Variants in PYM1 observed in about 807,000 individuals in gnomAD.
The protein encoded by PYM1 is PYM1 exon junction complex associated factor, also known as partner of Y14 and mago.
Under a neutral mutation model 20.7 loss-of-function variants are expected in PYM1, and 7 were observed. That is an observed-to-expected ratio of 0.34 (90% CI 0.19 to 0.64). The LOEUF is 0.64. PYM1 is among the 30% of genes least tolerant of loss of function. The probability of loss-of-function intolerance (pLI) is 0.74; values close to 1 mark genes in which losing one functional copy is unlikely to be tolerated. For missense variants in PYM1, 194 were observed against 250.0 expected (o/e 0.78, Z 1.51); for synonymous variants, 100 against 99.2 (o/e 1.01, Z -0.05).
At chr12:55,926,926 C>T in intron 1 of PYM1, 1 of 823,942 alleles carries the variant, frequency 1.2e-6, no homozygotes, top group Non-Finnish European at 1.9e-6. Flanking sequence ...GCGCAGGAGA[C>T]ACCCCGTAGG....
At position 55,902,242 on chromosome 12, in the gene PYM1, C is replaced by A; in HGVS notation, c.245G>T (p.Gly82Val). 2.5e-6 allele frequency: 4 copies of A among 1,614,160 alleles called. No homozygotes were observed. The highest frequency in any genetic ancestry group is 2.5e-6 in the Non-Finnish European group (3 of 1,180,034). Residue 82 changes from glycine to valine, a missense_variant, in exon 3 of 3, where the codon GGC becomes GTC. This residue lies in a region of PYM1 where 158 missense variants were observed against 179.0 expected (regional missense o/e 0.88). Coordinates refer to ENST00000408946, the MANE Select transcript of PYM1 (RefSeq NM_032345.3). ...TPSRPEGGEP[G>V]LSKTAKRNLK... Reference sequence around the variant, plus strand: ...GTTACGTTTGGCTGTCTTGGAGAGGCCTGGTTCACCACCTTCAGGCCTGGA... The same window carrying A: ...GTTACGTTTGGCTGTCTTGGAGAGGACTGGTTCACCACCTTCAGGCCTGGA...
intron 1 of PYM1, among the ~76,000 whole-genome samples, chr12:55,922,607 G>A (rs747059007): frequency 9.2e-5 from 14 of 151,772 alleles, no homozygotes; most frequent in Non-Finnish European, 2.1e-4. Context: ...ACAGAGGGAA[G>A]ACCCTGTCTC....
intron 1 of PYM1, among the ~76,000 whole-genome samples, chr12:55,925,719 CT>C (rs1883176244): frequency 6.6e-6 from 1 of 152,162 alleles, no homozygotes. Flanking sequence ...CAGTTTATTC[CT>C]TTTTCTCTTC....
Position 55,902,212 on chromosome 12 carries a change from T to C in PYM1, c.275A>G (p.Lys92Arg), listed in dbSNP as rs754792198. Residue 92 changes from lysine (K) to arginine (R), a missense_variant, in exon 3 of 3, where the codon AAG becomes AGG. Coordinates refer to ENST00000408946, the MANE Select transcript of PYM1 (RefSeq NM_032345.3). ...GLSKTAKRNL[K>R]RKEKRRQQQE... ...CTGCTGCCGCCTCTTCTCCTTTCGC[T>C]TCAGGTTACGTTTGGCTGTCTTGGA... The C allele has an allele frequency of 2.9e-5, 47 of 1,614,128 alleles. No individual in the cohort carries two copies. Among genetic ancestry groups the C allele is most frequent in the Non-Finnish European group, 3.9e-5 (46 of 1,180,028 alleles).
At chr12:55,914,815 T>A (rs1329243114) in intron 1 of PYM1, among the ~76,000 whole-genome samples, 1 of 152,082 alleles carries the variant, frequency 6.6e-6, no homozygotes, top group Non-Finnish European at 1.5e-5. Flanking sequence ...ATGATCATAA[T>A]CATTTCCCTC....
intron 1 of PYM1, among the ~76,000 whole-genome samples, chr12:55,916,106 G>A (rs554512084): frequency 6.6e-6 from 1 of 152,232 alleles, no homozygotes; most frequent in South Asian, 2.1e-4. Context: ...AGGCCAAGGC[G>A]GGCGGATCAC....
At position 55,901,881 on chromosome 12, in the gene PYM1, T is replaced by C. The variant is rs374614469; in HGVS notation, c.606A>G (p.Leu202=). 5 of 1,607,344 alleles carry C rather than the reference T, an allele frequency of 3.1e-6. No homozygotes were observed. In the Admixed American group the frequency reaches 5.1e-5, roughly 17 times the overall value. The change falls in exon 3 of 3, where the codon TTA becomes TTG. Residue 202 remains leucine (L), a synonymous_variant. Coordinates refer to ENST00000408946, the MANE Select transcript of PYM1 (RefSeq NM_032345.3). ...ALEEELEDLE[L]GL ...CTATTCCCCAAAGGCCTCAGAGGCC[T>C]AACTCCAAGTCCTCTAACTCCTCTT...
At chr12:55,904,805 A>T (rs373062244) in intron 1 of PYM1, among the ~76,000 whole-genome samples, 58 of 151,566 alleles carry the variant, frequency 3.8e-4, no homozygotes, top group African/African-American at 1.3e-3. Context: ...TGAACCTGGG[A>T]GGCAGAGGTT....
chr12:55,911,965 A>G (rs946780884), intron 1 of PYM1, among the ~76,000 whole-genome samples: 16 of 152,148 alleles, frequency 1.1e-4, no homozygotes, highest in African/African-American at 3.9e-4. Context: ...CAAGATAAAA[A>G]AAGTCAGAGC....
At position 55,901,792 on chromosome 12, in the gene PYM1, A is replaced by C; in HGVS notation, c.*80T>G. On this transcript the variant is annotated 3_prime_UTR_variant, in exon 3 of 3. Transcript: ENST00000408946. ...GCCAGTATGGGGGGTACCCCTCCTG[A>C]CTGCTGTTGCCCGTATTCCCCCAGA... 6.6e-7 allele frequency: 1 copy of C among 1,518,296 alleles called. No homozygotes were observed. Among genetic ancestry groups the C allele is most frequent in the Non-Finnish European group, 8.8e-7 (1 of 1,137,486 alleles). The allele number at this position is 1,518,296 out of a possible 1,614,324, so 94.1% of individuals were successfully genotyped here. A position where few individuals can be genotyped will look rare whatever the true frequency, so the allele number is the denominator to read the frequency against.
intron 1 of PYM1, among the ~76,000 whole-genome samples, chr12:55,905,924 T>G (rs1196305814): frequency 1.4e-4 from 16 of 116,284 alleles, no homozygotes; most frequent in Non-Finnish European, 2.6e-4. Context: ...TATATTATTA[T>G]ATATATCTAA....
At chr12:55,927,623 G>C in intron 1 of PYM1, 102 bp downstream of exon 1, 1 of 1,427,476 alleles carries the variant, frequency 7.0e-7, no homozygotes, top group Non-Finnish European at 9.5e-7. Flanking sequence ...TAAGAAGGTG[G>C]GGAGGTCGAA....
intron 1 of PYM1, chr12:55,914,421 A>T: frequency 1.4e-6 from 1 of 696,858 alleles, no homozygotes. Flanking sequence ...TATCTTGCAG[A>T]GAGTCAAAAA....
chr12:55,927,371 T>C, intron 1 of PYM1: 1 of 721,192 alleles, frequency 1.4e-6, no homozygotes, highest in African/African-American at 1.7e-5. Context: ...CAAGAGAAGT[T>C]CCGAGGCACA....
chr12:55,927,893 GT>G lies in PYM1; in HGVS notation c.-133del, dbSNP rs1883226762. 33 of 1,213,926 alleles carry G rather than the reference GT, an allele frequency of 2.7e-5. No individual in the cohort carries two copies. The highest frequency in any genetic ancestry group is 5.2e-5 in the Admixed American group (2 of 38,600). The allele number at this position is 1,213,926 out of a possible 1,614,324, so 75.2% of individuals were successfully genotyped here. A position where few individuals can be genotyped will look rare whatever the true frequency, so the allele number is the denominator to read the frequency against. On this transcript the variant is annotated 5_prime_UTR_variant, in exon 1 of 3. Coordinates refer to ENST00000408946, the MANE Select transcript of PYM1 (RefSeq NM_032345.3). ...TCTCGCCCAGACCTCCTAACCCTGA[GT>G]GCCTCCTCGGGCTGGGCCCTAGGGT...
chr12:55,915,778 A>T, intron 1 of PYM1, among the ~76,000 whole-genome samples: 1 of 152,158 alleles, frequency 6.6e-6, no homozygotes, highest in East Asian at 1.9e-4. Context: ...GACACTAAAG[A>T]CTAGAAAGTA....
chr12:55,924,672 ATATT>A (rs1310586018), intron 1 of PYM1, among the ~76,000 whole-genome samples: 3 of 152,050 alleles, frequency 2.0e-5, no homozygotes, highest in African/African-American at 7.2e-5. Context: ...ATAAATTTAA[ATATT>A]TATTTATTAT....
intron 1 of PYM1, among the ~76,000 whole-genome samples, chr12:55,905,882 ATATATATTAT>A (rs1418796031): frequency 0.05 from 4,003 of 80,806 alleles, 224 homozygotes; most frequent in South Asian, 0.1. Context: ...TCTATTAGAT[ATATATATTAT>A]TATATATATC....
Position 55,922,934 on chromosome 12 carries a change from T to C in PYM1, c.37+4791A>G, listed in dbSNP as rs78490014. On this transcript the variant is annotated intron_variant, in intron 1 of 2. Transcript: ENST00000408946. ...AGATCCTGGAACAACAAAAAAAAAT[T>C]AGGTAAAAAGGCTGGGCGCAGTGGC... Among the ~76,000 whole-genome samples the C allele has an allele frequency of 7.5e-4, 114 of 152,084 alleles. 1 individual carries two copies. In the East Asian group the frequency reaches 0.021, roughly 29 times the overall value.
Sources: allele counts gnomAD v4.1 joint callset (sites outside exome capture counted in the v4.1 genomes callset), GRCh38; gene constraint gnomAD v4.1.1; regional missense constraint gnomAD v4.1.1; transcripts MANE v1.5; gene names NCBI Gene and HGNC (gene_info 2026-07-23, HGNC 2026-07-21).